The following FAF1 variants were observed in gnomAD, a reference collection of about 807,000 sequenced individuals.
FAF1 encodes the protein Fas associated factor 1.
FAF1 carries 25 observed loss-of-function variants against 92.5 expected under a neutral mutation model. The ratio of observed to expected loss-of-function variants is 0.27; its 90% CI spans 0.20 to 0.38. The LOEUF is 0.38. FAF1 is among the 10% of genes least tolerant of loss of function. The pLI, the probability that FAF1 is intolerant of heterozygous loss-of-function variation, is 1.00. For missense variants in FAF1, 636 were observed against 793.3 expected, an observed-to-expected ratio of 0.80 and a Z score of 2.38; for synonymous variants, 234 against 273.2, an observed-to-expected ratio of 0.86 and a Z score of 1.42.
intron 7 of FAF1, among the ~76,000 whole-genome samples, chr1:50,677,512 A>ATTCC (rs1380144572): frequency 6.6e-6 from 1 of 152,216 alleles, no homozygotes; most frequent in Admixed American, 6.5e-5. Context: ...TAAAAAAGTA[A>ATTCC]ACACTGTGAT....
intron 4 of FAF1, among the ~76,000 whole-genome samples, chr1:50,782,948 C>T (rs1169605909): frequency 6.6e-6 from 1 of 151,254 alleles, no homozygotes; most frequent in East Asian, 1.9e-4. Flanking sequence ...TTTTAATATA[C>T]AGAAATAATA....
At chr1:50,576,806 C>A (rs1558001677) in intron 12 of FAF1, among the ~76,000 whole-genome samples, 1 of 150,506 alleles carries the variant, frequency 6.6e-6, no homozygotes, top group East Asian at 1.9e-4. Context: ...CCGCACCTGA[C>A]TAACTGTTTT....
At chr1:50,735,218 TTTG>T (rs770338300) in intron 6 of FAF1, among the ~76,000 whole-genome samples, 76 of 152,320 alleles carry the variant, frequency 5.0e-4, no homozygotes, top group South Asian at 2.1e-3. Context: ...TAATTAACAG[TTTG>T]TTTTCTCCTT....
Position 50,459,066 on chromosome 1 carries a change from G to A in FAF1, c.1869+16398C>T, listed in dbSNP as rs937404566. Among the ~76,000 whole-genome samples the A allele has an allele frequency of 2.6e-5, 4 of 151,572 alleles. No homozygotes were observed. In the East Asian group the frequency reaches 7.8e-4, roughly 29 times the overall value. On this transcript the variant is annotated intron_variant, in intron 18 of 18. Coordinates refer to ENST00000396153, the MANE Select transcript of FAF1 (RefSeq NM_007051.3). ...GGCTGACTACAGCCTCAACCTTCCA[G>A]GCTCAAGTGTTCCTCCTGTTTCGGC...
intron 8 of FAF1, among the ~76,000 whole-genome samples, chr1:50,634,548 G>C (rs1283169968): frequency 5.3e-5 from 8 of 152,174 alleles, no homozygotes; most frequent in Non-Finnish European, 1.0e-4. Flanking sequence ...CCATTTTTCA[G>C]TTATAAAATA....
At chr1:50,681,826 TTTTTTTTGG>T (rs981179471) in intron 7 of FAF1, among the ~76,000 whole-genome samples, 2 of 149,966 alleles carry the variant, frequency 1.3e-5, no homozygotes, top group South Asian at 2.1e-4. Context: ...GCCTCTTTTG[TTTTTTTTGG>T]TTTTTTTTCC....
chr1:50,639,869 G>A (rs758398063), intron 8 of FAF1, among the ~76,000 whole-genome samples: 2 of 150,340 alleles, frequency 1.3e-5, no homozygotes, highest in Non-Finnish European at 2.9e-5. Flanking sequence ...GGGAGGAGGA[G>A]GTTGCAGTGA....
At chr1:50,909,798 A>G (rs1030135333) in intron 1 of FAF1, among the ~76,000 whole-genome samples, 1 of 152,092 alleles carries the variant, frequency 6.6e-6, no homozygotes, top group Non-Finnish European at 1.5e-5. Context: ...CAAGGTTTTT[A>G]GCTTCTTTGC....
intron 15 of FAF1, among the ~76,000 whole-genome samples, chr1:50,517,410 G>C (rs1053413346): frequency 1.3e-5 from 2 of 152,104 alleles, no homozygotes; most frequent in African/African-American, 4.8e-5. Flanking sequence ...AAATTCTAAA[G>C]TTCCTTTCAG....
chr1:50,718,954 G>T (rs932064283), intron 6 of FAF1, among the ~76,000 whole-genome samples: 2 of 152,098 alleles, frequency 1.3e-5, no homozygotes, highest in African/African-American at 4.8e-5. Flanking sequence ...CATAATTATG[G>T]GTTATTTACA....
intron 1 of FAF1, among the ~76,000 whole-genome samples, chr1:50,863,606 G>A (rs1252526147): frequency 6.6e-6 from 1 of 152,000 alleles, no homozygotes; most frequent in Admixed American, 6.6e-5. Flanking sequence ...ACAAAATTCA[G>A]TATTTTATTG....
intron 1 of FAF1, among the ~76,000 whole-genome samples, chr1:50,952,869 C>T (rs541406819): frequency 3.4e-4 from 51 of 152,102 alleles, no homozygotes; most frequent in African/African-American, 1.2e-3. Context: ...CCCCTCTGCC[C>T]GGCCGCCACC....
intron 15 of FAF1, among the ~76,000 whole-genome samples, chr1:50,531,057 C>G: frequency 6.6e-6 from 1 of 152,326 alleles, no homozygotes; most frequent in East Asian, 1.9e-4. Flanking sequence ...ATCTTCCCTA[C>G]AGTGTGGCAA....
intron 18 of FAF1, among the ~76,000 whole-genome samples, chr1:50,447,441 A>G (rs1364617892): frequency 6.6e-6 from 1 of 152,210 alleles, no homozygotes; most frequent in Non-Finnish European, 1.5e-5. Flanking sequence ...TGCTTTTAAA[A>G]TAAAATTTGC....
In FAF1 at chr1:50,744,157, C is replaced by G. The variant is rs148054386; in HGVS notation, c.459+527G>C. Among the ~76,000 whole-genome samples, 6 of 152,248 alleles carry G rather than the reference C, an allele frequency of 3.9e-5. No homozygotes were observed. The South Asian group carries it at 1.0e-3, about 26-fold the overall frequency. On this transcript the variant is annotated intron_variant, in intron 5 of 18. Transcript: ENST00000396153. ...ACTATTTCCTTAAAATTGCAATACTCTCTGCAAATTCTTAAAATATAATTC... is the reference window on the plus strand; with the variant it reads ...ACTATTTCCTTAAAATTGCAATACTGTCTGCAAATTCTTAAAATATAATTC...
At position 50,748,078 on chromosome 1, in the gene FAF1, CT is replaced by C. The variant is rs576768019; in HGVS notation, c.368-3304del. Among the ~76,000 whole-genome samples the C allele has an allele frequency of 7.0e-3, 1,069 of 152,228 alleles. 12 individuals are homozygous for C. The highest frequency in any genetic ancestry group is 0.025 in the African/African-American group (1,036 of 41,524). ...TTTTTTATAGCACTGCCAGAACAGA[CT>C]AATACAAATGTGTTGTATCAGATAG... On this transcript the variant is annotated intron_variant, in intron 4 of 18. Transcript: ENST00000396153.
At position 50,959,994 on chromosome 1, in the gene FAF1, G is replaced by C; in HGVS notation, c.-183C>G. 1 of 394,412 alleles carries C rather than the reference G, an allele frequency of 2.5e-6. No individual in the cohort carries two copies. The highest frequency in any genetic ancestry group is 3.6e-5 in the East Asian group (1 of 27,568). The allele number at this position is 394,412 out of a possible 1,614,324, so 24.4% of individuals were successfully genotyped here. A position where few individuals can be genotyped will look rare whatever the true frequency, so the allele number is the denominator to read the frequency against. ...AGCGCGGGAAGCGCTAGGCGCTCATGCACTCGGTAACCTTCAGGCGCCCCG... is the reference window on the plus strand; with the variant it reads ...AGCGCGGGAAGCGCTAGGCGCTCATCCACTCGGTAACCTTCAGGCGCCCCG... On this transcript the variant is annotated 5_prime_UTR_variant, in exon 1 of 19. Coordinates refer to ENST00000396153, the MANE Select transcript of FAF1 (RefSeq NM_007051.3).
intron 8 of FAF1, among the ~76,000 whole-genome samples, chr1:50,634,437 T>C (rs1653922745): frequency 2.0e-5 from 3 of 152,212 alleles, no homozygotes; most frequent in African/African-American, 7.2e-5. Context: ...AGAAATCGTA[T>C]CACATATGTT....
At chr1:50,704,926 T>C (rs1283001590) in intron 7 of FAF1, among the ~76,000 whole-genome samples, 1 of 152,240 alleles carries the variant, frequency 6.6e-6, no homozygotes, top group Non-Finnish European at 1.5e-5. Flanking sequence ...AAACTGGTTC[T>C]TTCAAAATGA....
Sources: gnomAD v4.1 joint callset for allele counts (sites outside exome capture counted in the v4.1 genomes callset) on GRCh38, gnomAD v4.1.1 for gene constraint, MANE v1.5 for transcripts, NCBI Gene and HGNC (gene_info 2026-07-23, HGNC 2026-07-21) for gene names.